The following CHCHD6 variants were observed in gnomAD, a reference collection of about 807,000 sequenced individuals.
CHCHD6 encodes the protein MICOS complex subunit MIC25.
CHCHD6 carries 28 observed loss-of-function variants against 32.3 expected under a neutral mutation model. The observed-to-expected ratio is 0.87, with a 90% CI of 0.64 to 1.19. The LOEUF (loss-of-function observed/expected upper bound fraction) is 1.19, where lower values mean the gene tolerates loss of function less well. CHCHD6 is among the 50% of genes most tolerant of loss of function. The pLI is 0.00. For synonymous variants in CHCHD6, 122 were observed against 117.5 expected (o/e 1.04, Z -0.25); for missense variants, 333 against 307.0 (o/e 1.08, Z -0.63).
intron 6 of CHCHD6, among the ~76,000 whole-genome samples, chr3:126,918,639 C>A (rs1469760630): frequency 6.6e-6 from 1 of 152,010 alleles, no homozygotes; most frequent in Non-Finnish European, 1.5e-5. Flanking sequence ...GGCCCTGAGA[C>A]AAGAAGCAAT....
intron 6 of CHCHD6, among the ~76,000 whole-genome samples, chr3:126,915,009 C>T (rs1320136908): frequency 6.6e-6 from 1 of 152,242 alleles, no homozygotes; most frequent in Non-Finnish European, 1.5e-5. Context: ...ATTTTCGGGG[C>T]CCAGTGTCTG....
At chr3:126,820,900 A>G (rs1021779540) in intron 4 of CHCHD6, among the ~76,000 whole-genome samples, 1 of 152,212 alleles carries the variant, frequency 6.6e-6, no homozygotes, top group Non-Finnish European at 1.5e-5. Flanking sequence ...AGAATTGTGC[A>G]CCAGTAACCA....
In CHCHD6 at chr3:126,729,533, CAAAT is replaced by C. The variant is rs1935686372; in HGVS notation, c.197-1021_197-1018del. Reference sequence around the variant, plus strand: ...TTAAACCTCAGTAAAGCTCTTCAGACAAATAAATAAGCATGGCGAGCACTAGTGT... The same window carrying C: ...TTAAACCTCAGTAAAGCTCTTCAGACAAATAAGCATGGCGAGCACTAGTGT... On this transcript the variant is annotated intron_variant, in intron 2 of 7. Transcript: ENST00000290913. Among the ~76,000 whole-genome samples, 3 of 152,280 alleles carry C rather than the reference CAAAT, an allele frequency of 2.0e-5. No individual in the cohort carries two copies. The South Asian group carries it at 6.2e-4, about 32-fold the overall frequency.
chr3:126,916,828 A>C (rs935531809), intron 6 of CHCHD6, among the ~76,000 whole-genome samples: 6 of 152,232 alleles, frequency 3.9e-5, no homozygotes, highest in African/African-American at 1.4e-4. Context: ...TGATCCCCGG[A>C]GGTGGGCCAG....
chr3:126,879,425 T>TA (rs2077579457), intron 5 of CHCHD6, among the ~76,000 whole-genome samples: 3 of 152,230 alleles, frequency 2.0e-5, no homozygotes, highest in Admixed American at 2.0e-4. Context: ...AGAAGGGCAC[T>TA]ACATTGCCTA....
At chr3:126,836,537 T>C (rs1940869948) in intron 4 of CHCHD6, among the ~76,000 whole-genome samples, 1 of 152,202 alleles carries the variant, frequency 6.6e-6, no homozygotes, top group Non-Finnish European at 1.5e-5. Flanking sequence ...TCCCTTCCTG[T>C]GTGTCTCATT....
intron 1 of CHCHD6, among the ~76,000 whole-genome samples, chr3:126,714,614 CCTT>C (rs1459930175): frequency 1.3e-5 from 2 of 152,166 alleles, no homozygotes. Flanking sequence ...GGAAGCCTGT[CCTT>C]CTGAAACTGG....
chr3:126,773,611 T>C lies in CHCHD6; in HGVS notation c.411+40389T>C, dbSNP rs568693228. Among the ~76,000 whole-genome samples the C allele has an allele frequency of 7.1e-3, 1,037 of 146,428 alleles. 12 individuals carry two copies. The highest frequency in any genetic ancestry group is 0.025 in the African/African-American group (988 of 39,902). On this transcript the variant is annotated intron_variant, in intron 4 of 7. Transcript: ENST00000290913. Reference sequence around the variant, plus strand: ...GACAGTTTCTGCTTTTCTTTTTTTTTTTTTTTTTTTTTTTTGAGACAGAGC... The same window carrying C: ...GACAGTTTCTGCTTTTCTTTTTTTTCTTTTTTTTTTTTTTTGAGACAGAGC...
At chr3:126,891,188 G>A (rs1285796560) in intron 5 of CHCHD6, among the ~76,000 whole-genome samples, 1 of 152,194 alleles carries the variant, frequency 6.6e-6, no homozygotes, top group Non-Finnish European at 1.5e-5. Flanking sequence ...GCAGCCCCAA[G>A]TATACCATGT....
intron 6 of CHCHD6, among the ~76,000 whole-genome samples, chr3:126,945,648 TCAGGGAGACTCAAG>T (rs1351197733): frequency 9.2e-6 from 1 of 108,314 alleles, no homozygotes; most frequent in African/African-American, 3.8e-5. Flanking sequence ...GTCGGGAGAC[TCAGGGAGACTCAAG>T]CGGGGAGACT....
chr3:126,704,565 A>C (rs961323329), intron 1 of CHCHD6, among the ~76,000 whole-genome samples, 166 bp downstream of exon 1: 2 of 152,094 alleles, frequency 1.3e-5, no homozygotes, highest in African/African-American at 4.8e-5. Context: ...CGCGAGCCCG[A>C]GGCTGGCAGC....
At position 126,723,369 on chromosome 3, in the gene CHCHD6, A is replaced by G. The variant is rs144281674; in HGVS notation, c.88-3709A>G. Among the ~76,000 whole-genome samples the G allele has an allele frequency of 5.9e-5, 9 of 152,266 alleles. No homozygotes were observed. The East Asian group carries it at 1.7e-3, about 29-fold the overall frequency. On this transcript the variant is annotated intron_variant, in intron 1 of 7. Coordinates refer to ENST00000290913, the MANE Select transcript of CHCHD6 (RefSeq NM_032343.3). ...ACTTTCAGGACCTCATCCTCTGAGT[A>G]CTTTGCTAAGCAGTTTTGTAGATTT...
intron 4 of CHCHD6, among the ~76,000 whole-genome samples, chr3:126,776,535 C>T (rs983191725): frequency 6.6e-6 from 1 of 152,172 alleles, no homozygotes; most frequent in Non-Finnish European, 1.5e-5. Context: ...TGGATCGATT[C>T]TGAATTCCTA....
chr3:126,796,775 A>G (rs998868676), intron 4 of CHCHD6, among the ~76,000 whole-genome samples: 3 of 152,092 alleles, frequency 2.0e-5, no homozygotes, highest in South Asian at 2.1e-4. Context: ...TCCACTACAC[A>G]TGTACTTGGG....
intron 6 of CHCHD6, among the ~76,000 whole-genome samples, chr3:126,945,999 G>T (rs944080809): frequency 1.3e-5 from 2 of 152,062 alleles, no homozygotes; most frequent in East Asian, 3.9e-4. Context: ...CTGCTTTGTT[G>T]AGGACCCAGT....
chr3:126,953,273 A>G (rs1304609434), intron 6 of CHCHD6: 1 of 338,440 alleles, frequency 3.0e-6, no homozygotes, highest in East Asian at 1.7e-4. Context: ...AAGAGACACC[A>G]TGATTATGCA....
At chr3:126,960,072 G>A in intron 7 of CHCHD6, 124 bp from the exon 8 acceptor site, 1 of 1,128,750 alleles carries the variant, frequency 8.9e-7, no homozygotes, top group East Asian at 2.6e-5. Context: ...GTCTCCAGGT[G>A]AGGAGGGAGA....
chr3:126,955,134 A>G (rs1364388757), intron 6 of CHCHD6, among the ~76,000 whole-genome samples: 1 of 152,256 alleles, frequency 6.6e-6, no homozygotes, highest in Non-Finnish European at 1.5e-5. Flanking sequence ...AGGAAGAAGC[A>G]GCCTAAAAAG....
chr3:126,807,714 A>G (rs1221200649), intron 4 of CHCHD6, among the ~76,000 whole-genome samples: 1 of 152,262 alleles, frequency 6.6e-6, no homozygotes, highest in South Asian at 2.1e-4. Flanking sequence ...AGGATACATC[A>G]TGAAATTTTA....
Sources: gnomAD v4.1 joint callset for allele counts (sites outside exome capture counted in the v4.1 genomes callset) on GRCh38, gnomAD v4.1.1 for gene constraint, MANE v1.5 for transcripts, NCBI Gene and HGNC (gene_info 2026-07-23, HGNC 2026-07-21) for gene names.